The following SCHIP1 variants were observed in gnomAD, a reference collection of about 807,000 sequenced individuals.
The protein encoded by SCHIP1 is schwannomin-interacting protein 1.
A neutral mutation model predicts 29.7 loss-of-function variants in SCHIP1; 8 were observed. The observed-to-expected ratio is 0.27, with a 90% CI of 0.16 to 0.49. The LOEUF (loss-of-function observed/expected upper bound fraction) is 0.49. Ranked by LOEUF, SCHIP1 falls within the 20% of genes least tolerant of loss-of-function variation. The pLI is 0.99. For synonymous variants in SCHIP1, 76 were observed against 94.9 expected (o/e 0.80, Z 1.16); for missense variants, 193 against 294.6 (o/e 0.66, Z 2.52).
the SCHIP1 span, among the ~76,000 whole-genome samples, chr3:159,276,773 G>A: frequency 9.5e-3 from 1,453 of 152,220 alleles, 14 homozygotes; most frequent in African/African-American, 0.014. Flanking sequence ...TGGATATGAT[G>A]CTTTTCTCAC....
At chr3:159,277,216 G>C in the SCHIP1 span, among the ~76,000 whole-genome samples, 1 of 152,144 alleles carries the variant, frequency 6.6e-6, no homozygotes, top group South Asian at 2.1e-4. Context: ...GAACTGTACT[G>C]TGTAGAATAC....
chr3:159,748,982 C>G, the SCHIP1 span, among the ~76,000 whole-genome samples: 1 of 152,032 alleles, frequency 6.6e-6, no homozygotes, highest in East Asian at 1.9e-4. Flanking sequence ...TGGGAAAGTA[C>G]AAGAAGCAGC....
At chr3:159,864,869 A>G (rs1033306652) in intron 1 of SCHIP1, among the ~76,000 whole-genome samples, 2 of 152,200 alleles carry the variant, frequency 1.3e-5, no homozygotes, top group Non-Finnish European at 2.9e-5. Context: ...GAAATGAGGT[A>G]GTGTGCCCGA....
the SCHIP1 span, among the ~76,000 whole-genome samples, chr3:159,589,018 G>C: frequency 1.3e-5 from 2 of 152,162 alleles, no homozygotes; most frequent in Admixed American, 6.6e-5. Context: ...TTGGTAGCTT[G>C]GTGGGGATGG....
At chr3:159,682,976 T>A in the SCHIP1 span, among the ~76,000 whole-genome samples, 1 of 152,174 alleles carries the variant, frequency 6.6e-6, no homozygotes, top group Admixed American at 6.5e-5. Context: ...ACATCAGAAT[T>A]ATTAGGGATG....
chr3:159,344,262 G>T, the SCHIP1 span, among the ~76,000 whole-genome samples: 2 of 151,294 alleles, frequency 1.3e-5, no homozygotes, highest in South Asian at 4.2e-4. Flanking sequence ...CGGAGGTTGC[G>T]GTGAGCCGAG....
the SCHIP1 span, among the ~76,000 whole-genome samples, chr3:159,703,143 T>G: frequency 6.6e-6 from 1 of 152,206 alleles, no homozygotes; most frequent in Non-Finnish European, 1.5e-5. Context: ...CCCAGTGTGG[T>G]ACCTTTCTGT....
At chr3:159,479,671 C>T in the SCHIP1 span, among the ~76,000 whole-genome samples, 1 of 152,050 alleles carries the variant, frequency 6.6e-6, no homozygotes, top group South Asian at 2.1e-4. Flanking sequence ...AAAGGATTTC[C>T]CTGAATGGAC....
the SCHIP1 span, among the ~76,000 whole-genome samples, chr3:159,824,582 A>C: frequency 6.6e-6 from 1 of 152,226 alleles, no homozygotes; most frequent in African/African-American, 2.4e-5. Flanking sequence ...CCTGTACTCT[A>C]TGTACTCTTG....
At chr3:159,494,526 C>A in the SCHIP1 span, among the ~76,000 whole-genome samples, 2 of 152,202 alleles carry the variant, frequency 1.3e-5, no homozygotes, top group Non-Finnish European at 2.9e-5. Flanking sequence ...AATTCCTCGA[C>A]ACATACACCC....
the SCHIP1 span, among the ~76,000 whole-genome samples, chr3:159,495,998 TG>T: frequency 3.3e-5 from 5 of 152,282 alleles, no homozygotes; most frequent in Admixed American, 6.5e-5. Flanking sequence ...ACACAAGCAA[TG>T]GGGAAAGCAT....
the SCHIP1 span, among the ~76,000 whole-genome samples, chr3:159,371,817 T>C: frequency 6.6e-6 from 1 of 152,168 alleles, no homozygotes; most frequent in Non-Finnish European, 1.5e-5. Context: ...ATTTAGGAAA[T>C]AATGACAAGA....
chr3:159,419,920 G>C, the SCHIP1 span, among the ~76,000 whole-genome samples: 4 of 152,294 alleles, frequency 2.6e-5, no homozygotes, highest in African/African-American at 9.6e-5. Context: ...TGGACAACTG[G>C]AAACTTTCTG....
At chr3:159,801,538 T>C in the SCHIP1 span, among the ~76,000 whole-genome samples, 1 of 152,336 alleles carries the variant, frequency 6.6e-6, no homozygotes, top group South Asian at 2.1e-4. Context: ...GTTATCACTT[T>C]TATGGTAAGC....
chr3:159,443,505 G>A, the SCHIP1 span, among the ~76,000 whole-genome samples: 14 of 152,066 alleles, frequency 9.2e-5, no homozygotes, highest in African/African-American at 3.4e-4. Context: ...GATGGTTCCA[G>A]TGAACTTATT....
At chr3:159,595,678 T>A in the SCHIP1 span, among the ~76,000 whole-genome samples, 2 of 152,106 alleles carry the variant, frequency 1.3e-5, no homozygotes, top group Non-Finnish European at 2.9e-5. Flanking sequence ...ATACCAGAAC[T>A]TAAACATAAA....
chr3:159,641,338 AAGAT>A, the SCHIP1 span, among the ~76,000 whole-genome samples: 1 of 152,158 alleles, frequency 6.6e-6, no homozygotes, highest in East Asian at 1.9e-4. Context: ...TACTGCATCA[AAGAT>A]AGGTTTTAAA....
At chr3:159,530,593 G>T in the SCHIP1 span, among the ~76,000 whole-genome samples, 1 of 152,114 alleles carries the variant, frequency 6.6e-6, no homozygotes, top group Non-Finnish European at 1.5e-5. Flanking sequence ...GGTATGTACT[G>T]AGCAGATTTG....
chr3:159,863,144 A>C (rs959198353), intron 1 of SCHIP1, among the ~76,000 whole-genome samples: 1 of 152,198 alleles, frequency 6.6e-6, no homozygotes, highest in African/African-American at 2.4e-5. Context: ...GATTGAGACC[A>C]TCCTGGCCAA....
Sources: allele counts gnomAD v4.1 joint callset (sites outside exome capture counted in the v4.1 genomes callset), GRCh38; gene constraint gnomAD v4.1.1; transcripts MANE v1.5; gene names NCBI Gene and HGNC (gene_info 2026-07-23, HGNC 2026-07-21).